The following FLRT1 variants were observed in gnomAD, a reference collection of about 807,000 sequenced individuals.
FLRT1 encodes the protein fibronectin leucine rich transmembrane protein 1.
Under a neutral mutation model 30.9 loss-of-function variants are expected in FLRT1, and 14 were observed. That is an observed-to-expected ratio of 0.45 (90% CI 0.30 to 0.71). FLRT1 has a LOEUF of 0.71. Among genes scored for constraint, FLRT1 ranks in the 30% least tolerant of loss-of-function variants. FLRT1 has a pLI of 0.08. For synonymous variants in FLRT1, 368 were observed against 430.4 expected, an observed-to-expected ratio of 0.85 and a Z score of 1.80; for missense variants, 737 against 949.2, an observed-to-expected ratio of 0.78 and a Z score of 2.94.
intron 1 of FLRT1, among the ~76,000 whole-genome samples, chr11:64,098,255 G>T (rs181756129): frequency 6.6e-6 from 1 of 152,132 alleles, no homozygotes; most frequent in African/African-American, 2.4e-5. Flanking sequence ...CATTCAGAGC[G>T]CCCCTAAGGC....
At chr11:64,058,289 C>A (rs1452970511) in intron 1 of FLRT1, among the ~76,000 whole-genome samples, 1 of 152,242 alleles carries the variant, frequency 6.6e-6, no homozygotes, top group African/African-American at 2.4e-5. Context: ...GGACTACTGT[C>A]GGCTCTGCTG....
At chr11:64,094,129 T>A (rs2134533844) in intron 1 of FLRT1, among the ~76,000 whole-genome samples, 1 of 152,270 alleles carries the variant, frequency 6.6e-6, no homozygotes, top group East Asian at 1.9e-4. Flanking sequence ...AAACCCCGAC[T>A]CTATTAAAAA....
chr11:64,112,474 A>G (rs973772139), intron 2 of FLRT1, among the ~76,000 whole-genome samples: 1 of 152,216 alleles, frequency 6.6e-6, no homozygotes, highest in Non-Finnish European at 1.5e-5. Flanking sequence ...AGATCGCTCC[A>G]CTGCACTCCC....
intron 1 of FLRT1, among the ~76,000 whole-genome samples, chr11:64,039,493 G>A (rs1943445485): frequency 1.3e-5 from 2 of 151,940 alleles, no homozygotes; most frequent in Admixed American, 1.3e-4. Context: ...CCACGAGGCA[G>A]CTGCATTCTG....
At position 64,117,658 on chromosome 11, in the gene FLRT1, T is replaced by G. The variant is rs1373305954; in HGVS notation, c.1391T>G (p.Phe464Cys). 1 of 1,613,616 alleles carries G rather than the reference T, an allele frequency of 6.2e-7. No individual in the cohort carries two copies. Among genetic ancestry groups the G allele is most frequent in the African/African-American group, 1.3e-5 (1 of 74,936 alleles). Reference protein sequence around the residue: ...TWKATLPASSFRLSWLRLGHS... With the variant: ...TWKATLPASSCRLSWLRLGHS... ...AAGGCCACGCTCCCCGCCTCCTCTT[T>G]CCGGCTCAGTTGGCTGCGCCTGGGC... The change falls in exon 3 of 3, where the codon TTC (phenylalanine) becomes TGC (cysteine). Residue 464 changes from phenylalanine to cysteine, a missense_variant. Transcript: ENST00000682287.
In FLRT1 at chr11:64,045,410, G is replaced by A. The variant is rs531107670; in HGVS notation, c.-1038+9251G>A. On this transcript the variant is annotated intron_variant, in intron 1 of 2. Coordinates refer to ENST00000682287, the MANE Select transcript of FLRT1 (RefSeq NM_013280.5). Reference sequence around the variant, plus strand: ...CATGTTGATAATTTATTTGTGGAAGGGAAAGGGGTGAAGAGCGCAGGAGAG... The same window carrying A: ...CATGTTGATAATTTATTTGTGGAAGAGAAAGGGGTGAAGAGCGCAGGAGAG... Among the ~76,000 whole-genome samples the A allele has an allele frequency of 4.6e-5, 7 of 152,372 alleles. No homozygotes were observed. In the South Asian group the frequency reaches 1.4e-3, roughly 32 times the overall value.
chr11:64,077,956 G>A (rs1463519373), intron 1 of FLRT1, among the ~76,000 whole-genome samples: 1 of 152,192 alleles, frequency 6.6e-6, no homozygotes, highest in Non-Finnish European at 1.5e-5. Flanking sequence ...ATGGGCCCGT[G>A]CTCAGCCTGG....
chr11:64,114,726 A>AATGG (rs1944944327), intron 2 of FLRT1, among the ~76,000 whole-genome samples: 1 of 142,520 alleles, frequency 7.0e-6, no homozygotes, highest in African/African-American at 2.6e-5. Flanking sequence ...TGGATGGATG[A>AATGG]ATGGATGGAT....
chr11:64,039,419 G>C (rs891630272), intron 1 of FLRT1, among the ~76,000 whole-genome samples: 1 of 152,168 alleles, frequency 6.6e-6, no homozygotes, highest in Non-Finnish European at 1.5e-5. Context: ...TCGGGTGGTA[G>C]CGGGGGGTCC....
At chr11:64,059,059 C>G (rs1308419317) in intron 1 of FLRT1, among the ~76,000 whole-genome samples, 1 of 152,146 alleles carries the variant, frequency 6.6e-6, no homozygotes, top group Non-Finnish European at 1.5e-5. Flanking sequence ...GGATGGGCAC[C>G]CAATTTGCAC....
At chr11:64,069,584 G>A (rs560144941) in intron 1 of FLRT1, among the ~76,000 whole-genome samples, 1 of 152,302 alleles carries the variant, frequency 6.6e-6, no homozygotes, top group Non-Finnish European at 1.5e-5. Context: ...TAGCTGTGGG[G>A]CCAGGTGTGG....
intron 1 of FLRT1, among the ~76,000 whole-genome samples, chr11:64,058,914 G>A (rs921055549): frequency 2.0e-5 from 3 of 152,178 alleles, no homozygotes; most frequent in Admixed American, 2.0e-4. Context: ...CACAGCTGGA[G>A]GTGGGGGTGA....
At chr11:64,097,551 C>T (rs1294567132) in intron 1 of FLRT1, among the ~76,000 whole-genome samples, 2 of 152,250 alleles carry the variant, frequency 1.3e-5, no homozygotes, top group Non-Finnish European at 2.9e-5. Flanking sequence ...GCACAGACTC[C>T]TGAAGCCACC....
chr11:64,117,635 G>T lies in FLRT1; in HGVS notation c.1368G>T (p.Lys456Asn), dbSNP rs1395376914. 3.7e-6 allele frequency: 6 copies of T among 1,613,706 alleles called. No individual in the cohort carries two copies. The highest frequency in any genetic ancestry group is 5.1e-6 in the Non-Finnish European group (6 of 1,180,046). Residue 456 changes from lysine to asparagine, a missense_variant, in exon 3 of 3, where the codon AAG (lysine) becomes AAT (asparagine). Lys to Asn is a moderately conservative substitution (Grantham distance 94). Transcript: ENST00000682287. ...LTADSIRITW[K>N]ATLPASSFRL... ...CAGACTCCATCCGCATCACGTGGAAGGCCACGCTCCCCGCCTCCTCTTTCC... is the reference window on the plus strand; with the variant it reads ...CAGACTCCATCCGCATCACGTGGAATGCCACGCTCCCCGCCTCCTCTTTCC...
At chr11:64,045,636 C>G (rs1046468702) in intron 1 of FLRT1, among the ~76,000 whole-genome samples, 9 of 152,162 alleles carry the variant, frequency 5.9e-5, no homozygotes, top group Admixed American at 5.9e-4. Flanking sequence ...CCTGAGGGTA[C>G]AGATTGGAGA....
chr11:64,040,725 C>T (rs1051766930), intron 1 of FLRT1, among the ~76,000 whole-genome samples: 1 of 152,166 alleles, frequency 6.6e-6, no homozygotes. Flanking sequence ...GGAGAGTCCG[C>T]AGAAACCCTC....
chr11:64,077,732 C>T, intron 1 of FLRT1, among the ~76,000 whole-genome samples: 1 of 152,356 alleles, frequency 6.6e-6, no homozygotes, highest in South Asian at 2.1e-4. Context: ...GGGGTCACTA[C>T]CCCTCACTGC....
intron 1 of FLRT1, among the ~76,000 whole-genome samples, chr11:64,084,168 C>A (rs1590884450): frequency 6.6e-6 from 1 of 152,180 alleles, no homozygotes; most frequent in Admixed American, 6.5e-5. Flanking sequence ...GCGCCTTCTG[C>A]AGTCCTGGAG....
chr11:64,074,603 C>T (rs530592540), intron 1 of FLRT1, among the ~76,000 whole-genome samples: 3 of 152,322 alleles, frequency 2.0e-5, no homozygotes, highest in Admixed American at 1.3e-4. Context: ...GGCAGCCCTT[C>T]TCCCATTGCT....
Sources: gnomAD v4.1 joint callset for allele counts (sites outside exome capture counted in the v4.1 genomes callset) on GRCh38, gnomAD v4.1.1 for gene constraint, MANE v1.5 for transcripts, NCBI Gene and HGNC (gene_info 2026-07-23, HGNC 2026-07-21) for gene names.